Variants in KCNH5 observed in about 807,000 individuals in gnomAD.
KCNH5 encodes voltage-gated delayed rectifier potassium channel KCNH5.
Under a neutral mutation model 96.1 loss-of-function variants are expected in KCNH5, and 46 were observed. The ratio of observed to expected loss-of-function variants is 0.48; its 90% CI spans 0.38 to 0.61. KCNH5 has a LOEUF of 0.61. KCNH5 is among the 20% of genes least tolerant of loss of function. The pLI, the probability that KCNH5 is intolerant of heterozygous loss-of-function variation, is 0.00. For synonymous variants in KCNH5, 439 were observed against 449.8 expected, an observed-to-expected ratio of 0.98 and a Z score of 0.30; for missense variants, 907 against 1,225.8, an observed-to-expected ratio of 0.74 and a Z score of 3.88.
intron 8 of KCNH5, among the ~76,000 whole-genome samples, chr14:62,824,761 T>G (rs549993704): frequency 1.6e-4 from 24 of 152,158 alleles, no homozygotes; most frequent in African/African-American, 5.1e-4. Flanking sequence ...TTTCAACCAT[T>G]GTCCTTCTCC....
rs34764419 is a variant in KCNH5, at chr14:62,987,106, G to T, written c.515C>A (p.Thr172Lys). The T allele has an allele frequency of 6.2e-7, 1 of 1,613,482 alleles. No homozygotes were observed. The highest frequency in any genetic ancestry group is 1.7e-4 in the Middle Eastern group (1 of 6,060). ...TCTTGAATGTTTATGGACCACCTCT[G>T]TTTTATTCATTGGCGTGAGCTGCTG... The part of the protein sequence containing the change: ...VLQQLTPMNK[T>K]EVVHKHSRLA... The change falls in exon 5 of 11, where the codon ACA (threonine) becomes AAA (lysine). Residue 172 changes from threonine (T) to lysine (K), a missense_variant. Coordinates refer to ENST00000322893, the MANE Select transcript of KCNH5 (RefSeq NM_139318.5).
chr14:62,860,703 C>G (rs1031818269), intron 7 of KCNH5, among the ~76,000 whole-genome samples: 2 of 152,204 alleles, frequency 1.3e-5, no homozygotes, highest in Non-Finnish European at 2.9e-5. Flanking sequence ...TCTAAGCCCC[C>G]TTCTCACAGG....
At chr14:62,770,145 C>T (rs184204622) in intron 10 of KCNH5, among the ~76,000 whole-genome samples, 2 of 152,274 alleles carry the variant, frequency 1.3e-5, no homozygotes, top group African/African-American at 2.4e-5. Flanking sequence ...CCCATTGTCA[C>T]TCCTAGACCA....
At chr14:62,854,177 T>G (rs1887885753) in intron 7 of KCNH5, among the ~76,000 whole-genome samples, 1 of 152,078 alleles carries the variant, frequency 6.6e-6, no homozygotes, top group Admixed American at 6.6e-5. Flanking sequence ...ATTTATTTAT[T>G]TATTCATTTA....
intron 7 of KCNH5, among the ~76,000 whole-genome samples, chr14:62,893,078 C>T (rs1888743882): frequency 6.6e-6 from 1 of 152,108 alleles, no homozygotes; most frequent in Non-Finnish European, 1.5e-5. Context: ...GACAGTGATT[C>T]CCCTGATAGA....
chr14:62,903,278 T>A (rs1888964423), intron 7 of KCNH5, among the ~76,000 whole-genome samples: 1 of 152,090 alleles, frequency 6.6e-6, no homozygotes, highest in Admixed American at 6.6e-5. Context: ...ACACACACCC[T>A]TGTACTACCA....
chr14:63,013,757 C>T (rs530101118), intron 2 of KCNH5, among the ~76,000 whole-genome samples: 4 of 151,972 alleles, frequency 2.6e-5, no homozygotes, highest in African/African-American at 9.6e-5. Context: ...CTTTTTTTTA[C>T]TTGATAATAT....
chr14:63,035,547 C>G (rs1476352515), intron 1 of KCNH5, among the ~76,000 whole-genome samples: 1 of 152,176 alleles, frequency 6.6e-6, no homozygotes, highest in Admixed American at 6.5e-5. Context: ...GCTGATGTTT[C>G]TGCTTTATTC....
At chr14:62,981,869 T>C (rs1890614563) in intron 5 of KCNH5, among the ~76,000 whole-genome samples, 1 of 152,096 alleles carries the variant, frequency 6.6e-6, no homozygotes, top group Admixed American at 6.5e-5. Context: ...GGGAAAAAAA[T>C]ATTAAATACT....
chr14:63,001,966 C>T (rs955685329), intron 3 of KCNH5, among the ~76,000 whole-genome samples: 1 of 152,222 alleles, frequency 6.6e-6, no homozygotes, highest in African/African-American at 2.4e-5. Flanking sequence ...TATCCCAAGG[C>T]TCTCTCATCA....
chr14:62,711,497 A>ACGCC (rs1405796597), intron 10 of KCNH5, among the ~76,000 whole-genome samples: 1 of 152,030 alleles, frequency 6.6e-6, no homozygotes, highest in Non-Finnish European at 1.5e-5. Flanking sequence ...CCCCCTTTTT[A>ACGCC]CGCCCGGGAG....
chr14:62,849,721 G>C lies in KCNH5; in HGVS notation c.1501C>G (p.Leu501Val). ...FLKLYQVPKG[L>V]SERVMDYIVS... ...ATATAATCCATGACTCGCTCACTAA[G>C]GCCTTTTGGGACCTGATAGAGTTTT... Residue 501 changes from leucine (L) to valine (V), a missense_variant, in exon 8 of 11, where the codon CTT (leucine) becomes GTT (valine). Around this residue, in one of 6 missense-constraint regions of KCNH5, gnomAD observed 95 missense variants for 111.8 expected, o/e 0.85. Transcript: ENST00000322893. The C allele has an allele frequency of 6.2e-7, 1 of 1,613,866 alleles. No homozygotes were observed. The highest frequency in any genetic ancestry group is 8.5e-7 in the Non-Finnish European group (1 of 1,179,868).
intron 1 of KCNH5, among the ~76,000 whole-genome samples, chr14:63,032,360 G>T (rs975481070): frequency 6.6e-6 from 1 of 152,066 alleles, no homozygotes; most frequent in South Asian, 2.1e-4. Context: ...AGATCACTGG[G>T]GCTTCAGTGA....
chr14:62,767,632 C>A (rs758595887), intron 10 of KCNH5, among the ~76,000 whole-genome samples: 1 of 152,040 alleles, frequency 6.6e-6, no homozygotes, highest in Non-Finnish European at 1.5e-5. Context: ...TGAGTACACG[C>A]GGACAATAAG....
intron 3 of KCNH5, among the ~76,000 whole-genome samples, chr14:63,002,081 T>A (rs1891020732): frequency 6.6e-6 from 1 of 152,150 alleles, no homozygotes. Flanking sequence ...GAGCTCTACC[T>A]GAAACTGTTA....
chr14:62,875,854 G>T (rs945005921), intron 7 of KCNH5, among the ~76,000 whole-genome samples: 1 of 151,990 alleles, frequency 6.6e-6, no homozygotes, highest in African/African-American at 2.4e-5. Context: ...TTACGTTGTT[G>T]ATTAGGTTTT....
intron 6 of KCNH5, among the ~76,000 whole-genome samples, chr14:62,962,589 A>T (rs1401219270): frequency 6.6e-6 from 1 of 152,162 alleles, no homozygotes; most frequent in Non-Finnish European, 1.5e-5. Context: ...GGTCATCAGA[A>T]GTGCTAACAA....
chr14:62,813,044 C>G (rs1226495623), intron 8 of KCNH5, among the ~76,000 whole-genome samples: 2 of 152,040 alleles, frequency 1.3e-5, no homozygotes, highest in African/African-American at 2.4e-5. Context: ...TAACCTTGTA[C>G]CTATATCAGA....
In KCNH5 at chr14:62,712,740, A is replaced by T. The variant is rs775498542; in HGVS notation, c.2020-4285T>A. ...CCCTGAAAGCAGTGAATTGAACACA[A>T]TTGAAGCTGTATACTTGCTGGGAAA... On this transcript the variant is annotated intron_variant, in intron 10 of 10. Transcript: ENST00000322893. 3 of 775,718 alleles carry T rather than the reference A, an allele frequency of 3.9e-6. No homozygotes were observed. The South Asian group carries it at 4.1e-5, about 11-fold the overall frequency. The allele number at this position is 775,718 out of a possible 1,614,324, so 48.1% of individuals were successfully genotyped here.
Sources: gnomAD v4.1 joint callset for allele counts (sites outside exome capture counted in the v4.1 genomes callset) on GRCh38, gnomAD v4.1.1 for gene constraint, gnomAD v4.1.1 regional missense constraint, MANE v1.5 for transcripts, NCBI Gene and HGNC (gene_info 2026-07-23, HGNC 2026-07-21) for gene names.